Variants in ROBO4 observed in about 807,000 individuals in gnomAD.
ROBO4 encodes roundabout guidance receptor 4.
In ROBO4, 80 loss-of-function variants were observed where a neutral mutation model predicts 103.3. The ratio of observed to expected loss-of-function variants is 0.77; its 90% CI spans 0.65 to 0.93. ROBO4 has a LOEUF of 0.93. Ranked by LOEUF, ROBO4 falls within the 40% of genes least tolerant of loss-of-function variation. The probability of loss-of-function intolerance (pLI) is 0.00; values close to 1 mark genes in which losing one functional copy is unlikely to be tolerated. For synonymous variants in ROBO4, 504 were observed against 529.7 expected, an observed-to-expected ratio of 0.95 and a Z score of 0.67; for missense variants, 1,333 against 1,305.3, an observed-to-expected ratio of 1.02 and a Z score of -0.33.
chr11:124,884,828 G>C lies in ROBO4; in HGVS notation c.*63C>G. The C allele has an allele frequency of 6.3e-7, 1 of 1,584,524 alleles. No individual in the cohort carries two copies. Among genetic ancestry groups the C allele is most frequent in the South Asian group, 1.1e-5 (1 of 90,484 alleles). On this transcript the variant is annotated 3_prime_UTR_variant, in exon 18 of 18. Transcript: ENST00000306534. ...GCCAAGACCCACACACCACAGCCCAGGTCTTGTGGGTGGACAGGAGAAGTG... is the reference window on the plus strand; with the variant it reads ...GCCAAGACCCACACACCACAGCCCACGTCTTGTGGGTGGACAGGAGAAGTG...
At position 124,896,299 on chromosome 11, in the gene ROBO4, A is replaced by G. The variant is rs1946889254; in HGVS notation, c.578T>C (p.Leu193Pro). Residue 193 changes from leucine to proline, a missense_variant, in exon 4 of 18, where the codon CTG becomes CCG. Coordinates refer to ENST00000306534, the MANE Select transcript of ROBO4 (RefSeq NM_019055.6). ...GRHTVSGGSL[L>P]MARAEKSDEG... ...GTCACTCTTCTCTGCTCTTGCCATC[A>G]GCAGGGACCCCCCGGACACCTGTCA... 6.2e-7 allele frequency: 1 copy of G among 1,614,124 alleles called. No homozygotes were observed. The highest frequency in any genetic ancestry group is 1.1e-5 in the South Asian group (1 of 91,084).
rs2081428801 is a variant in ROBO4 at position 124,894,268 on chromosome 11, G to A, written c.1251C>T (p.Cys417=). Residue 417 remains cysteine (C), a synonymous_variant, in exon 8 of 18, where the codon TGC becomes TGT. Transcript: ENST00000306534. Reference sequence around the variant, plus strand: ...CACCAGTGACTGCAGCCACTTGCACGCAGTAGGAGCCTGGCATATGGGTGG... The same window carrying A: ...CACCAGTGACTGCAGCCACTTGCACACAGTAGGAGCCTGGCATATGGGTGG... ...EIATHMPGSY[C]VQVAAVTGAG... is the part of the protein sequence containing the mutation. 7 of 1,614,052 alleles carry A rather than the reference G, an allele frequency of 4.3e-6. No homozygotes were observed. Among genetic ancestry groups the A allele is most frequent in the Admixed American group, 1.7e-5 (1 of 60,012 alleles).
intron 10 of ROBO4, 121 bp downstream of exon 10, chr11:124,893,567 G>T: frequency 1.2e-6 from 1 of 849,756 alleles, no homozygotes; most frequent in Non-Finnish European, 2.1e-6. Context: ...TTACAGGAGA[G>T]ATTCATGTAC....
rs1474049220 is a variant in ROBO4, at chr11:124,893,966, C to T, written c.1398G>A (p.Lys466=). Reference sequence around the variant, plus strand: ...CGCAGGTGGCAATGACCTCAGGCCGCTTCAAGGTAGCCCTCAGCTGCTCCA... The same window carrying T: ...CGCAGGTGGCAATGACCTCAGGCCGTTTCAAGGTAGCCCTCAGCTGCTCCA... ...WTLEQLRATL[K]RPEVIATCGV... The change falls in exon 9 of 18, where the codon AAG becomes AAA. Residue 466 remains lysine (K), a synonymous_variant. Coordinates refer to ENST00000306534, the MANE Select transcript of ROBO4 (RefSeq NM_019055.6). 6.2e-7 allele frequency: 1 copy of T among 1,600,688 alleles called. No individual in the cohort carries two copies.
intron 3 of ROBO4, 27 bp from the exon 4 acceptor site, chr11:124,896,345 TCTC>T: frequency 6.2e-7 from 1 of 1,612,934 alleles, no homozygotes; most frequent in East Asian, 2.2e-5. Context: ...CACTGTGAAG[TCTC>T]CTATGTGGGG....
chr11:124,887,580 C>T (rs1371906731), intron 13 of ROBO4, 81 bp from the exon 14 acceptor site: 1 of 1,583,858 alleles, frequency 6.3e-7, no homozygotes, highest in Non-Finnish European at 8.6e-7. Flanking sequence ...GCCCACCAGC[C>T]CCCTTAGCTA....
chr11:124,893,859 C>T lies in ROBO4; in HGVS notation c.1504+1G>A. Reference sequence around the variant, plus strand: ...CATGTGGGTCCCCCTCAGACTCTCACCTGGGCCCAGGTGCACCCTAGCTCG... The same window carrying T: ...CATGTGGGTCCCCCTCAGACTCTCATCTGGGCCCAGGTGCACCCTAGCTCG... On this transcript the variant is annotated splice_donor_variant, in intron 9 of 17. Coordinates refer to ENST00000306534, the MANE Select transcript of ROBO4 (RefSeq NM_019055.6). LOFTEE classifies it high-confidence loss of function. 1 of 1,613,166 alleles carries T rather than the reference C, an allele frequency of 6.2e-7. No individual in the cohort carries two copies. Among genetic ancestry groups the T allele is most frequent in the Non-Finnish European group, 8.5e-7 (1 of 1,179,706 alleles).
Position 124,885,835 on chromosome 11 carries a change from C to T in ROBO4, c.2795-588G>A, listed in dbSNP as rs536221294. On this transcript the variant is annotated intron_variant, in intron 16 of 17. Transcript: ENST00000306534. ...AGCAACCTTTCCTGGAGACTCAAGT[C>T]GGGGTAAGAGGGGAGTCCTAGAGGC... 5.9e-5 allele frequency among the ~76,000 whole-genome samples: 9 copies of T among 152,140 alleles called. No individual in the cohort carries two copies. In the South Asian group the frequency reaches 6.2e-4, roughly 11 times the overall value.
chr11:124,891,157 T>C, intron 12 of ROBO4, 142 bp downstream of exon 12: 1 of 1,024,326 alleles, frequency 9.8e-7, no homozygotes, highest in Non-Finnish European at 1.4e-6. Flanking sequence ...AAAGAGGTCT[T>C]GTGTCCACCT....
At chr11:124,894,617 G>A (rs915493489) in intron 7 of ROBO4, among the ~76,000 whole-genome samples, 34 of 152,208 alleles carry the variant, frequency 2.2e-4, no homozygotes, top group African/African-American at 7.2e-4. Flanking sequence ...ACAACAGCGT[G>A]CTTCCAAGTC....
chr11:124,892,168 T>C (rs1348109578), intron 10 of ROBO4: 4 of 422,622 alleles, frequency 9.5e-6, no homozygotes, highest in Admixed American at 2.9e-5. Flanking sequence ...AAGTACATCC[T>C]CTCTAAGCCC....
Position 124,897,736 on chromosome 11 carries a change from C to G in ROBO4, c.60G>C (p.Leu20=), listed in dbSNP as rs1223511696. 6.2e-7 allele frequency: 1 copy of G among 1,614,046 alleles called. No homozygotes were observed. The highest frequency in any genetic ancestry group is 1.7e-5 in the Admixed American group (1 of 60,030). ...GGRGSLPLLL[L]LIMGGMAQDS... The stretch of plus-strand genomic sequence containing the variant: ...GGGAGAGCAACTCACCCATGATGAG[C>G]AGGAGCAGCAGAGGCAGGGAACCCC... The change falls in exon 1 of 18, where the codon CTG becomes CTC. Residue 20 remains leucine, a synonymous_variant. Coordinates refer to ENST00000306534, the MANE Select transcript of ROBO4 (RefSeq NM_019055.6).
intron 8 of ROBO4, 33 bp downstream of exon 8, chr11:124,894,168 A>T (rs1296236143): frequency 6.3e-7 from 1 of 1,581,674 alleles, no homozygotes; most frequent in South Asian, 1.1e-5. Flanking sequence ...TGCAGGCTGA[A>T]GGGTAGGGTG....
Position 124,884,800 on chromosome 11 carries a change from C to G in ROBO4, c.*91G>C. ...GGTGGACCCCAGCTGCAGAGAAACACAGGCCAAGACCCACACACCACAGCC... is the reference window on the plus strand; with the variant it reads ...GGTGGACCCCAGCTGCAGAGAAACAGAGGCCAAGACCCACACACCACAGCC... On this transcript the variant is annotated 3_prime_UTR_variant, in exon 18 of 18. Transcript: ENST00000306534. 7.0e-7 allele frequency: 1 copy of G among 1,433,366 alleles called. No homozygotes were observed. Among genetic ancestry groups the G allele is most frequent in the African/African-American group, 1.4e-5 (1 of 71,394 alleles). 88.8% of individuals were successfully genotyped at this position (1,433,366 alleles called of 1,614,324 possible). A position where few individuals can be genotyped will look rare whatever the true frequency, so the allele number is the denominator to read the frequency against.
In ROBO4 at chr11:124,896,540, G is replaced by T; in HGVS notation, c.531C>A (p.Pro177=). ...PTVSWWKDGK[P]LALQPGRHTV... ...TGTGCCTTCCGGGCTGGAGGGCCAGGGGTTTCCCATCTTTCCACCATGAGA... is the reference window on the plus strand; with the variant it reads ...TGTGCCTTCCGGGCTGGAGGGCCAGTGGTTTCCCATCTTTCCACCATGAGA... Residue 177 remains proline, a synonymous_variant, in exon 3 of 18, where the codon CCC becomes CCA. Coordinates refer to ENST00000306534, the MANE Select transcript of ROBO4 (RefSeq NM_019055.6). 6.2e-7 allele frequency: 1 copy of T among 1,614,150 alleles called. No individual in the cohort carries two copies. Among genetic ancestry groups the T allele is most frequent in the Non-Finnish European group, 8.5e-7 (1 of 1,180,012 alleles).
intron 12 of ROBO4, among the ~76,000 whole-genome samples, chr11:124,888,380 G>A (rs1189499074): frequency 6.6e-6 from 1 of 152,162 alleles, no homozygotes; most frequent in Non-Finnish European, 1.5e-5. Context: ...CCTGCTCTGG[G>A]AAACTCGACT....
At chr11:124,887,602 C>A in intron 13 of ROBO4, 103 bp from the exon 14 acceptor site, 1 of 1,555,378 alleles carries the variant, frequency 6.4e-7, no homozygotes, top group Non-Finnish European at 8.8e-7. Context: ...CTGTCCACTA[C>A]TCCATCCAAC....
At chr11:124,889,899 G>A (rs536803643) in intron 12 of ROBO4, among the ~76,000 whole-genome samples, 15 of 152,286 alleles carry the variant, frequency 9.8e-5, no homozygotes, top group East Asian at 3.9e-4. Context: ...CCAAGGAGTC[G>A]CTGCAGTTGA....
intron 12 of ROBO4, 37 bp downstream of exon 12, chr11:124,891,262 C>A: frequency 6.7e-7 from 1 of 1,499,460 alleles, no homozygotes; most frequent in South Asian, 1.4e-5. Flanking sequence ...GCCCGCCTAC[C>A]ACCAGCTCAG....
Sources: gnomAD v4.1 joint callset for allele counts (sites outside exome capture counted in the v4.1 genomes callset) on GRCh38, gnomAD v4.1.1 for gene constraint, MANE v1.5 for transcripts, NCBI Gene and HGNC (gene_info 2026-07-23, HGNC 2026-07-21) for gene names.